Variants in VDAC1 observed in about 807,000 individuals in gnomAD.
VDAC1 encodes the protein voltage dependent anion channel 1.
A neutral mutation model predicts 34.7 loss-of-function variants in VDAC1; 10 were observed. The ratio of observed to expected loss-of-function variants is 0.29; its 90% CI spans 0.18 to 0.49. VDAC1 has a LOEUF of 0.49. Ranked by LOEUF, VDAC1 falls within the 20% of genes least tolerant of loss-of-function variation. VDAC1 has a pLI of 0.99. For missense variants in VDAC1, 230 were observed against 347.9 expected (o/e 0.66, Z 2.69); for synonymous variants, 130 against 136.0 (o/e 0.96, Z 0.30).
the VDAC1 span, among the ~76,000 whole-genome samples, chr5:134,083,927 G>A: frequency 1.3e-5 from 2 of 152,188 alleles, no homozygotes; most frequent in Non-Finnish European, 2.9e-5. Flanking sequence ...GAGGTCCCAG[G>A]CTTTTTAAGC....
At chr5:134,038,729 G>A in the VDAC1 span, among the ~76,000 whole-genome samples, 3 of 152,172 alleles carry the variant, frequency 2.0e-5, no homozygotes, top group South Asian at 2.1e-4. Flanking sequence ...TAATTACCCC[G>A]TGACAATTAA....
intron 1 of VDAC1, among the ~76,000 whole-genome samples, chr5:134,002,690 C>T (rs1285327642): frequency 6.6e-6 from 1 of 152,190 alleles, no homozygotes; most frequent in Admixed American, 6.6e-5. Flanking sequence ...CAGGACCGGG[C>T]ATGGTGGCTC....
the VDAC1 span, among the ~76,000 whole-genome samples, chr5:134,068,323 C>T: frequency 2.7e-5 from 4 of 149,466 alleles, no homozygotes; most frequent in African/African-American, 7.5e-5. Flanking sequence ...TCTTCCGTTC[C>T]ACTCCTATCA....
At chr5:134,102,073 G>A in the VDAC1 span, among the ~76,000 whole-genome samples, 5 of 152,168 alleles carry the variant, frequency 3.3e-5, no homozygotes, top group Admixed American at 3.3e-4. Context: ...ACAGGGGAGC[G>A]GTTTCCTTTT....
chr5:134,063,856 C>T, the VDAC1 span, among the ~76,000 whole-genome samples: 1 of 152,100 alleles, frequency 6.6e-6, no homozygotes, highest in African/African-American at 2.4e-5. Context: ...TTTTTAGAGA[C>T]ATGGTCTTTC....
chr5:134,056,601 G>A, the VDAC1 span, among the ~76,000 whole-genome samples: 1 of 152,126 alleles, frequency 6.6e-6, no homozygotes, highest in African/African-American at 2.4e-5. Flanking sequence ...CACTGCACCA[G>A]CCCCAGTGAA....
the VDAC1 span, among the ~76,000 whole-genome samples, chr5:134,070,202 C>T: frequency 6.6e-6 from 1 of 152,130 alleles, no homozygotes. Flanking sequence ...AGTGCAATGG[C>T]GTGATCTCGG....
chr5:134,112,563 T>C, the VDAC1 span, among the ~76,000 whole-genome samples: 1 of 152,330 alleles, frequency 6.6e-6, no homozygotes, highest in South Asian at 2.1e-4. Context: ...CATAGGACAG[T>C]TGTTCCCAGA....
chr5:134,085,668 A>T, the VDAC1 span, among the ~76,000 whole-genome samples: 1 of 136,136 alleles, frequency 7.3e-6, no homozygotes. Context: ...TGGGAGGATC[A>T]CTCGAGGTTA....
At position 133,980,887 on chromosome 5, in the gene VDAC1, G is replaced by A. The variant is rs745707505; in HGVS notation, c.393C>T (p.Phe131=). The stretch of plus-strand genomic sequence containing the variant: ...CCCGGATGGAAGGCCCAGCAATGTC[G>A]AAATCCATGTCGCAGCCCAGGTTAA... ...EHINLGCDMD[F]DIAGPSIRGA... is the part of the protein sequence containing the mutation. The change falls in exon 6 of 9, where the codon TTC becomes TTT. Residue 131 remains phenylalanine (F), a synonymous_variant. Coordinates refer to ENST00000265333, the MANE Select transcript of VDAC1 (RefSeq NM_003374.3). 23 of 1,613,882 alleles carry A rather than the reference G, an allele frequency of 1.4e-5. No individual in the cohort carries two copies. Among genetic ancestry groups the A allele is most frequent in the East Asian group, 1.3e-4 (6 of 44,904 alleles).
chr5:134,063,173 T>A, the VDAC1 span, among the ~76,000 whole-genome samples: 4,034 of 152,288 alleles, frequency 0.026, 197 homozygotes, highest in African/African-American at 0.093. Flanking sequence ...TATATAACCA[T>A]GGTATATTTG....
chr5:134,040,121 T>G, the VDAC1 span, among the ~76,000 whole-genome samples: 1 of 152,068 alleles, frequency 6.6e-6, no homozygotes, highest in Admixed American at 6.6e-5. Flanking sequence ...ACCCCTGAGG[T>G]TAGCACTCCC....
At chr5:134,097,107 C>T in the VDAC1 span, among the ~76,000 whole-genome samples, 1 of 150,878 alleles carries the variant, frequency 6.6e-6, no homozygotes, top group Non-Finnish European at 1.5e-5. Flanking sequence ...GCTGTCAGGA[C>T]CCTTCACATC....
the VDAC1 span, among the ~76,000 whole-genome samples, chr5:134,080,562 A>ACGGGCAGGTTAAGTCGCGGAGG: frequency 2.1e-4 from 10 of 47,798 alleles, no homozygotes; most frequent in African/African-American, 6.9e-4. Flanking sequence ...CCGAGGTACC[A>ACGGGCAGGTTAAGTCGCGGAGG]TACCGTGAGC....
chr5:134,107,264 C>T, the VDAC1 span, among the ~76,000 whole-genome samples: 2,750 of 152,324 alleles, frequency 0.018, 61 homozygotes, highest in African/African-American at 0.047. Context: ...ACAGCCCCTC[C>T]GTGGCTTCCC....
At chr5:134,004,431 C>T (rs1414043345) in intron 1 of VDAC1, 1 of 152,020 alleles carries the variant, frequency 6.6e-6, no homozygotes, top group African/African-American at 2.4e-5. Flanking sequence ...CTCGCGCTCC[C>T]CAGCCCAGAC....
rs80036951 is a variant in VDAC1 at position 133,983,249 on chromosome 5, T to TAA, written c.324-2295_324-2294dup. Among the ~76,000 whole-genome samples the TAA allele has an allele frequency of 3.9e-3, 520 of 132,454 alleles. 1 individual carries two copies. Among genetic ancestry groups the TAA allele is most frequent in the Non-Finnish European group, 5.8e-3 (359 of 61,422 alleles). The allele number at this position is 132,454 out of a possible 152,430, so 86.9% of individuals were successfully genotyped here. On this transcript the variant is annotated intron_variant, in intron 5 of 8. Transcript: ENST00000265333. ...GGCAACAAGAGTGAAACTCCATCTT[T>TAA]AAAAAAAAAAAAAAAGAAAAAGAAA... is the stretch of plus-strand genomic sequence containing the variant.
the VDAC1 span, among the ~76,000 whole-genome samples, chr5:134,074,706 G>C: frequency 6.6e-6 from 1 of 152,112 alleles, no homozygotes; most frequent in African/African-American, 2.4e-5. Context: ...AGGACCACTG[G>C]CTTCCCTTTC....
the VDAC1 span, among the ~76,000 whole-genome samples, chr5:134,031,006 A>G: frequency 1.3e-5 from 2 of 152,184 alleles, no homozygotes; most frequent in Middle Eastern, 6.8e-3. Flanking sequence ...GGACCCAACA[A>G]CAGTAATGTT....
Sources: allele counts gnomAD v4.1 joint callset (sites outside exome capture counted in the v4.1 genomes callset), GRCh38; gene constraint gnomAD v4.1.1; transcripts MANE v1.5; gene names NCBI Gene and HGNC (gene_info 2026-07-23, HGNC 2026-07-21).